TRAPPC9: variants seen among roughly 807,000 people sequenced by gnomAD.
TRAPPC9 encodes IKK2 binding protein.
A neutral mutation model predicts 124.0 loss-of-function variants in TRAPPC9; 83 were observed. That is an observed-to-expected ratio of 0.67 (90% CI 0.56 to 0.80). The LOEUF (loss-of-function observed/expected upper bound fraction) is 0.80. TRAPPC9 is among the 30% of genes least tolerant of loss of function. The pLI is 0.00. For missense variants in TRAPPC9, 1,302 were observed against 1,508.3 expected, an observed-to-expected ratio of 0.86 and a Z score of 2.27; for synonymous variants, 638 against 617.5, an observed-to-expected ratio of 1.03 and a Z score of -0.49.
chr8:139,993,516 C>A (rs893531848), intron 18 of TRAPPC9, among the ~76,000 whole-genome samples: 1 of 152,118 alleles, frequency 6.6e-6, no homozygotes, highest in East Asian at 1.9e-4. Context: ...AGAGTTTGAC[C>A]GAACAATTCC....
intron 19 of TRAPPC9, among the ~76,000 whole-genome samples, chr8:139,920,333 G>A (rs990300687): frequency 6.6e-6 from 1 of 152,230 alleles, no homozygotes; most frequent in Admixed American, 6.5e-5. Flanking sequence ...GTGATAGAGT[G>A]AAAGTCTGTC....
intron 8 of TRAPPC9, among the ~76,000 whole-genome samples, chr8:140,367,541 A>G (rs983736045): frequency 1.6e-4 from 25 of 152,232 alleles, no homozygotes; most frequent in African/African-American, 6.0e-4. Flanking sequence ...GGAGACAGTA[A>G]AAGGGTCAGT....
At chr8:140,322,929 T>C (rs947100084) in intron 9 of TRAPPC9, among the ~76,000 whole-genome samples, 2 of 152,250 alleles carry the variant, frequency 1.3e-5, no homozygotes, top group African/African-American at 2.4e-5. Flanking sequence ...TTGCCTGGCA[T>C]ACAACTCCTT....
chr8:139,748,038 T>C (rs1279570408), intron 21 of TRAPPC9, among the ~76,000 whole-genome samples: 1 of 12,804 alleles, frequency 7.8e-5, no homozygotes, highest in Admixed American at 1.1e-3. Flanking sequence ...CGTACAGGGG[T>C]CAGAGTGGGT....
At chr8:140,421,984 CAAAAAAAAAA>C (rs35152459) in intron 5 of TRAPPC9, among the ~76,000 whole-genome samples, 5 of 43,986 alleles carry the variant, frequency 1.1e-4, no homozygotes, top group East Asian at 8.5e-4. Context: ...TCCCTCATGA[CAAAAAAAAAA>C]AAAAAAAAAA....
intron 19 of TRAPPC9, among the ~76,000 whole-genome samples, chr8:139,953,456 C>T (rs1269901036): frequency 1.3e-5 from 2 of 152,162 alleles, no homozygotes; most frequent in Non-Finnish European, 2.9e-5. Flanking sequence ...CGTGCCACTG[C>T]ACTCCAGCCT....
At chr8:139,887,791 A>T (rs1830110145) in intron 20 of TRAPPC9, among the ~76,000 whole-genome samples, 1 of 152,210 alleles carries the variant, frequency 6.6e-6, no homozygotes, top group South Asian at 2.1e-4. Context: ...AGCTCCATGA[A>T]GGCAGAGACC....
intron 21 of TRAPPC9, among the ~76,000 whole-genome samples, chr8:139,763,196 T>C (rs757131222): frequency 2.6e-5 from 4 of 152,184 alleles, no homozygotes; most frequent in Admixed American, 6.5e-5. Flanking sequence ...CCAGGCTTTA[T>C]AGAGGAAAAA....
chr8:139,732,110 G>T lies in TRAPPC9; in HGVS notation c.3148C>A (p.Arg1050=). 6.2e-7 allele frequency: 1 copy of T among 1,606,920 alleles called. No homozygotes were observed. ...AAGGGCCCTACGCTGCGCGGGCTCC[G>T]GTTGGTCAGCCGCACCTCCAGGCGC... ...PVRLEVRLTN[R]SPRSVGPFAL... The change falls in exon 22 of 23, where the codon CGG becomes AGG. Residue 1050 remains arginine (R), a synonymous_variant. Transcript: ENST00000438773.
intron 17 of TRAPPC9, among the ~76,000 whole-genome samples, chr8:140,026,148 G>A (rs1223798478): frequency 1.3e-5 from 2 of 152,134 alleles, no homozygotes; most frequent in South Asian, 2.1e-4. Flanking sequence ...TCATGTCCTC[G>A]AGAATCAACC....
At chr8:140,033,712 C>T (rs1350727731) in intron 17 of TRAPPC9, among the ~76,000 whole-genome samples, 7 of 102,670 alleles carry the variant, frequency 6.8e-5, no homozygotes, top group Non-Finnish European at 7.5e-5. Flanking sequence ...GACAGAGTCT[C>T]GCTCTGTCGC....
At chr8:139,900,971 C>T (rs1830978104) in intron 20 of TRAPPC9, among the ~76,000 whole-genome samples, 1 of 121,284 alleles carries the variant, frequency 8.2e-6, no homozygotes, top group East Asian at 2.5e-4. Context: ...CCTCATCTCT[C>T]AAAAATAAAT....
chr8:140,225,624 T>C (rs1042721215), intron 16 of TRAPPC9, among the ~76,000 whole-genome samples: 1 of 152,164 alleles, frequency 6.6e-6, no homozygotes, highest in Middle Eastern at 3.2e-3. Flanking sequence ...ACTCCACATT[T>C]CTCTAGCATG....
intron 16 of TRAPPC9, among the ~76,000 whole-genome samples, chr8:140,226,058 T>C (rs2063443241): frequency 6.6e-6 from 1 of 152,218 alleles, no homozygotes; most frequent in South Asian, 2.1e-4. Context: ...GGCTTTTGTC[T>C]GCCCAGCATT....
intron 17 of TRAPPC9, among the ~76,000 whole-genome samples, chr8:140,130,770 A>G (rs2061194616): frequency 6.6e-6 from 1 of 152,168 alleles, no homozygotes; most frequent in East Asian, 1.9e-4. Flanking sequence ...GTGACAGGGC[A>G]TCGGGTTAAC....
chr8:140,317,897 T>C (rs904183303), intron 9 of TRAPPC9, among the ~76,000 whole-genome samples: 8 of 152,232 alleles, frequency 5.3e-5, no homozygotes, highest in African/African-American at 1.9e-4. Context: ...AAAGGCATTA[T>C]GATCCCCCTT....
intron 21 of TRAPPC9, among the ~76,000 whole-genome samples, chr8:139,805,302 CT>C (rs1823970255): frequency 2.0e-5 from 3 of 152,200 alleles, no homozygotes; most frequent in Non-Finnish European, 4.4e-5. Context: ...AGTCTGAAAA[CT>C]CCAGGCCATG....
chr8:140,310,670 T>C (rs570862234), intron 10 of TRAPPC9, among the ~76,000 whole-genome samples: 173 of 152,068 alleles, frequency 1.1e-3, no homozygotes, highest in African/African-American at 4.1e-3. Context: ...CAGTGAGCAA[T>C]GGGTGCCATG....
At chr8:140,414,521 G>C (rs1217439195) in intron 5 of TRAPPC9, among the ~76,000 whole-genome samples, 1 of 151,900 alleles carries the variant, frequency 6.6e-6, no homozygotes, top group East Asian at 1.9e-4. Flanking sequence ...GTGACAGAGA[G>C]AGACCCTGTC....
Sources: allele counts gnomAD v4.1 joint callset (sites outside exome capture counted in the v4.1 genomes callset), GRCh38; gene constraint gnomAD v4.1.1; transcripts MANE v1.5; gene names NCBI Gene and HGNC (gene_info 2026-07-23, HGNC 2026-07-21).